The following PDCD7 variants were observed in gnomAD, a reference collection of about 807,000 sequenced individuals.
The protein encoded by PDCD7 is programmed cell death 7.
In PDCD7, 40 loss-of-function variants were observed where a neutral mutation model predicts 42.1. That is an observed-to-expected ratio of 0.95 (90% CI 0.74 to 1.24). PDCD7 has a LOEUF of 1.24. Ranked by LOEUF, PDCD7 falls within the 50% of genes most tolerant of loss-of-function variation. PDCD7 has a pLI of 0.00. For missense variants in PDCD7, 644 were observed against 662.8 expected (o/e 0.97, Z 0.31); for synonymous variants, 299 against 303.3 (o/e 0.99, Z 0.15).
chr15:65,118,774 C>T lies in PDCD7; in HGVS notation c.1401G>A (p.Trp467Ter), dbSNP rs766081249. ...HPKGNFVPQG[W>*]VLPPLPSNDI... The stretch of plus-strand genomic sequence containing the variant: ...CGTTGCTGGGGAGCGGGGGAAGGAC[C>T]CATCCTTGGGGAACGAAGTTGCCTT... Residue 467 changes from tryptophan to a stop codon, truncating the protein, a stop_gained, in exon 5 of 5, where the codon TGG (tryptophan) becomes TGA (stop). Coordinates refer to ENST00000204549, the MANE Select transcript of PDCD7 (RefSeq NM_005707.2). LOFTEE classifies it high-confidence loss of function. 6.2e-7 allele frequency: 1 copy of T among 1,610,758 alleles called. No homozygotes were observed. The highest frequency in any genetic ancestry group is 2.2e-5 in the East Asian group (1 of 44,650).
intron 1 of PDCD7, among the ~76,000 whole-genome samples, chr15:65,130,253 G>A (rs1406562493): frequency 6.7e-6 from 1 of 150,188 alleles, no homozygotes; most frequent in African/African-American, 2.5e-5. Flanking sequence ...CGCCTCCTGG[G>A]TTCAAGCGAT....
intron 2 of PDCD7, among the ~76,000 whole-genome samples, chr15:65,124,117 T>C (rs910717555): frequency 5.3e-5 from 8 of 152,030 alleles, no homozygotes; most frequent in African/African-American, 1.9e-4. Context: ...ATGTAACATA[T>C]TCCCTCAGAA....
intron 2 of PDCD7, among the ~76,000 whole-genome samples, chr15:65,125,150 C>A (rs1004961395): frequency 5.9e-5 from 9 of 152,110 alleles, no homozygotes; most frequent in African/African-American, 2.2e-4. Context: ...CACTACCTAT[C>A]TTCATCTCCT....
chr15:65,126,806 G>A (rs1200527870), intron 2 of PDCD7, among the ~76,000 whole-genome samples: 2 of 150,160 alleles, frequency 1.3e-5, no homozygotes, highest in African/African-American at 4.9e-5. Context: ...TTCAGTAGAT[G>A]AGGCTAGAAT....
intron 2 of PDCD7, among the ~76,000 whole-genome samples, chr15:65,127,532 T>C (rs1187025807): frequency 6.6e-6 from 1 of 150,850 alleles, no homozygotes; most frequent in Non-Finnish European, 1.5e-5. Flanking sequence ...AACTCTAGCA[T>C]AGCCCATAAG....
chr15:65,117,660 T>C lies in PDCD7; in HGVS notation c.*1057A>G, dbSNP rs1357713072. ...CATTCTCCTGCCTCAGCCTCCCCAG[T>C]AGCTGGGACTACAGGTGTGCACCAC... On this transcript the variant is annotated 3_prime_UTR_variant, in exon 5 of 5. Transcript: ENST00000204549. 1.3e-5 allele frequency: 2 copies of C among 152,094 alleles called. No individual in the cohort carries two copies. Among genetic ancestry groups the C allele is most frequent in the East Asian group, 1.9e-4 (1 of 5,196 alleles). 9.4% of individuals were successfully genotyped at this position (152,094 alleles called of 1,614,324 possible).
chr15:65,132,106 A>G (rs1205902411), intron 1 of PDCD7, among the ~76,000 whole-genome samples: 3 of 94,810 alleles, frequency 3.2e-5, no homozygotes, highest in African/African-American at 1.1e-4. Context: ...ATGTATGTGT[A>G]TATATATGTA....
At chr15:65,126,923 C>G (rs1276266602) in intron 2 of PDCD7, among the ~76,000 whole-genome samples, 1 of 152,044 alleles carries the variant, frequency 6.6e-6, no homozygotes, top group East Asian at 1.9e-4. Flanking sequence ...TATTCATTAT[C>G]TCTCAATTCT....
intron 1 of PDCD7, among the ~76,000 whole-genome samples, chr15:65,130,295 T>A (rs1232273897): frequency 1.3e-5 from 2 of 151,582 alleles, no homozygotes; most frequent in East Asian, 3.9e-4. Context: ...TAGCTGGGTT[T>A]ACAGGCTCCT....
chr15:65,124,798 C>T (rs1325430607), intron 2 of PDCD7, among the ~76,000 whole-genome samples: 2 of 152,156 alleles, frequency 1.3e-5, no homozygotes, highest in East Asian at 1.9e-4. Flanking sequence ...GCTACTCCTT[C>T]GCCACAAAAC....
At chr15:65,128,469 C>T (rs1421172448) in intron 2 of PDCD7, among the ~76,000 whole-genome samples, 1 of 152,158 alleles carries the variant, frequency 6.6e-6, no homozygotes, top group East Asian at 1.9e-4. Flanking sequence ...AAACAAACTT[C>T]GGTGGAGAAG....
chr15:65,132,852 C>CT, intron 1 of PDCD7, 60 bp downstream of exon 1: 1 of 1,588,342 alleles, frequency 6.3e-7, no homozygotes, highest in Non-Finnish European at 8.5e-7. Context: ...TTAAAGCCTC[C>CT]TGCTGCTCCA....
rs768338011 is a variant in PDCD7 at position 65,119,881 on chromosome 15, CTT to C, written c.1081_1082del (p.Lys361AlafsTer3). 5.0e-6 allele frequency: 8 copies of C among 1,614,124 alleles called. No homozygotes were observed. The Admixed American group carries it at 1.2e-4, about 24-fold the overall frequency. On this transcript the variant is annotated frameshift_variant, in exon 3 of 5. Transcript: ENST00000204549. LOFTEE classifies it high-confidence loss of function. ...CTTCAGCTTCATACAGTTCAGAGCGCTTTTTAATGAGTTTTCTCAGTCGCTGA... is the reference window on the plus strand; with the variant it reads ...CTTCAGCTTCATACAGTTCAGAGCGCTTTAATGAGTTTTCTCAGTCGCTGA... ...HLQRLRKLIK[K>X]RSELYEAEER... is the part of the protein sequence containing the mutation.
chr15:65,120,433 T>C (rs536137211), intron 2 of PDCD7, among the ~76,000 whole-genome samples: 123 of 152,304 alleles, frequency 8.1e-4, no homozygotes, highest in Non-Finnish European at 1.3e-3. Flanking sequence ...ATTACAGGCA[T>C]GAGCCACTGT....
chr15:65,117,515 A>T lies in PDCD7; in HGVS notation c.*1202T>A, dbSNP rs2087416697. On this transcript the variant is annotated 3_prime_UTR_variant, in exon 5 of 5. Coordinates refer to ENST00000204549, the MANE Select transcript of PDCD7 (RefSeq NM_005707.2). ...CCAAGCACAACAGCATTTATTAATG[A>T]ATATAAAAAATAAATTTTACTTTTT... 6.6e-6 allele frequency: 1 copy of T among 152,162 alleles called. No homozygotes were observed. Among genetic ancestry groups the T allele is most frequent in the Non-Finnish European group, 1.5e-5 (1 of 68,032 alleles). The allele number at this position is 152,162 out of a possible 1,614,324, so 9.4% of individuals were successfully genotyped here.
Position 65,133,436 on chromosome 15 carries a change from G to A in PDCD7, c.346C>T (p.Pro116Ser), listed in dbSNP as rs1595930336. Residue 116 changes from proline to serine, a missense_variant, in exon 1 of 5, where the codon CCG becomes TCG. By Grantham distance (74) the Pro-to-Ser change is moderately conservative. Coordinates refer to ENST00000204549, the MANE Select transcript of PDCD7 (RefSeq NM_005707.2). ...RPRPPPPGPG[P>S]PWSPRWPEAP... is the part of the protein sequence containing the mutation. ...TCAGGCCACCGCGGGCTCCAGGGCGGCCCCGGGCCGGGAGGCGGTGGCCGC... is the reference window on the plus strand; with the variant it reads ...TCAGGCCACCGCGGGCTCCAGGGCGACCCCGGGCCGGGAGGCGGTGGCCGC... The A allele has an allele frequency of 3.4e-6, 4 of 1,188,134 alleles. No individual in the cohort carries two copies. In the East Asian group the frequency reaches 1.4e-4, roughly 43 times the overall value. The allele number at this position is 1,188,134 out of a possible 1,614,324, so 73.6% of individuals were successfully genotyped here.
chr15:65,121,179 T>C (rs373387995), intron 2 of PDCD7, among the ~76,000 whole-genome samples: 1 of 151,172 alleles, frequency 6.6e-6, no homozygotes, highest in African/African-American at 2.4e-5. Context: ...TGACTCAGCC[T>C]CCTGAGTAGC....
chr15:65,124,346 A>C (rs1162084503), intron 2 of PDCD7, among the ~76,000 whole-genome samples: 2 of 151,660 alleles, frequency 1.3e-5, no homozygotes, highest in Admixed American at 1.3e-4. Flanking sequence ...AATCGCTTGA[A>C]CCTGGGAGGT....
At chr15:65,130,964 C>G (rs2087535284) in intron 1 of PDCD7, among the ~76,000 whole-genome samples, 2 of 152,266 alleles carry the variant, frequency 1.3e-5, no homozygotes, top group South Asian at 4.1e-4. Flanking sequence ...CTAACACACA[C>G]CACGCTATAC....
Sources: gnomAD v4.1 joint callset for allele counts (sites outside exome capture counted in the v4.1 genomes callset) on GRCh38, gnomAD v4.1.1 for gene constraint, MANE v1.5 for transcripts, NCBI Gene and HGNC (gene_info 2026-07-23, HGNC 2026-07-21) for gene names.